The following CCDC178 variants were observed in gnomAD, a reference collection of about 807,000 sequenced individuals.
CCDC178 encodes the protein coiled-coil domain containing 178, also known as coiled-coil domain-containing protein 178.
CCDC178 carries 126 observed loss-of-function variants against 117.4 expected under a neutral mutation model. The ratio of observed to expected loss-of-function variants is 1.07; its 90% CI spans 0.93 to 1.24. The LOEUF (loss-of-function observed/expected upper bound fraction) is 1.24. Ranked by LOEUF, CCDC178 falls within the 50% of genes most tolerant of loss-of-function variation. CCDC178 has a pLI of 0.00. For missense variants in CCDC178, 1,030 were observed against 986.9 expected (o/e 1.04, Z -0.59); for synonymous variants, 283 against 313.4 (o/e 0.90, Z 1.02).
At chr18:32,983,872 T>G (rs1446951981) in intron 21 of CCDC178, among the ~76,000 whole-genome samples, 2 of 152,052 alleles carry the variant, frequency 1.3e-5, no homozygotes, top group East Asian at 3.9e-4. Context: ...CAGTTCTGTT[T>G]ATTGTAATAA....
rs748218897 is a variant in CCDC178 at position 33,215,584 on chromosome 18, TTTC to T, written c.2041_2043del (p.Glu681del). 8.3e-5 allele frequency: 123 copies of T among 1,482,648 alleles called. No homozygotes were observed. Among genetic ancestry groups the T allele is most frequent in the Middle Eastern group, 2.0e-4 (1 of 4,952 alleles). 91.8% of individuals were successfully genotyped at this position (1,482,648 alleles called of 1,614,324 possible). On this transcript the variant is annotated inframe_deletion, in exon 19 of 23. Transcript: ENST00000383096. ...TCAAGTGTCTGATCAAAACTTTTCT[TTTC>T]TTCTTCTTTTGCTTTTAATTCCTCA... is the stretch of plus-strand genomic sequence containing the variant.
chr18:33,259,055 A>C (rs2059711973), intron 14 of CCDC178, among the ~76,000 whole-genome samples: 1 of 152,070 alleles, frequency 6.6e-6, no homozygotes, highest in Admixed American at 6.6e-5. Context: ...CATAGGCCCT[A>C]GGTGCAAGCA....
At chr18:33,057,485 A>G (rs1297539652) in intron 21 of CCDC178, among the ~76,000 whole-genome samples, 2 of 152,066 alleles carry the variant, frequency 1.3e-5, no homozygotes, top group African/African-American at 4.8e-5. Context: ...ATTAATTTAG[A>G]GAGACGTAAC....
intron 21 of CCDC178, among the ~76,000 whole-genome samples, chr18:33,068,456 A>G (rs940803447): frequency 5.9e-5 from 9 of 152,184 alleles, no homozygotes; most frequent in African/African-American, 2.2e-4. Flanking sequence ...CAACACATCA[A>G]AAAGATAATA....
intron 8 of CCDC178, among the ~76,000 whole-genome samples, chr18:33,346,754 CCTATT>C (rs763676581): frequency 1.2e-4 from 18 of 151,984 alleles, no homozygotes; most frequent in Non-Finnish European, 2.1e-4. Flanking sequence ...TGTGTGTCCT[CCTATT>C]CTATAAGAAA....
At chr18:33,302,808 T>C (rs1043253109) in intron 11 of CCDC178, among the ~76,000 whole-genome samples, 4 of 152,050 alleles carry the variant, frequency 2.6e-5, no homozygotes, top group South Asian at 2.1e-4. Context: ...TAAAAAACAG[T>C]TGATCTCAAA....
At chr18:33,330,702 G>A (rs1599171831) in intron 10 of CCDC178, among the ~76,000 whole-genome samples, 1 of 152,114 alleles carries the variant, frequency 6.6e-6, no homozygotes, top group African/African-American at 2.4e-5. Flanking sequence ...AATCTGCAGG[G>A]TAGGTTGGCA....
intron 20 of CCDC178, among the ~76,000 whole-genome samples, chr18:33,149,139 T>C (rs1036658993): frequency 2.6e-5 from 4 of 152,154 alleles, no homozygotes; most frequent in South Asian, 4.1e-4. Context: ...TCCCCACACA[T>C]AGGAAATCTT....
At chr18:33,371,281 G>GTGTGTATATA (rs2063295219) in intron 5 of CCDC178, among the ~76,000 whole-genome samples, 1 of 151,890 alleles carries the variant, frequency 6.6e-6, no homozygotes, top group Non-Finnish European at 1.5e-5. Context: ...ATATGTGTGT[G>GTGTGTATATA]TGTGTATATA....
chr18:33,045,313 T>A (rs563759313), intron 21 of CCDC178, among the ~76,000 whole-genome samples: 12 of 152,298 alleles, frequency 7.9e-5, no homozygotes, highest in African/African-American at 2.6e-4. Flanking sequence ...ACCTACCGTG[T>A]TAATGTCATA....
rs534801596 is a variant in CCDC178 at position 33,233,376 on chromosome 18, T to C, written c.1594-6521A>G. On this transcript the variant is annotated intron_variant, in intron 15 of 22. Coordinates refer to ENST00000383096, the MANE Select transcript of CCDC178 (RefSeq NM_001105528.4). Reference sequence around the variant, plus strand: ...AATATCAGTTTTTATATATGTAAAATTGGGATAACACTTTTTTTCATAAAA... The same window carrying C: ...AATATCAGTTTTTATATATGTAAAACTGGGATAACACTTTTTTTCATAAAA... Among the ~76,000 whole-genome samples the C allele has an allele frequency of 2.0e-5, 3 of 152,170 alleles. No individual in the cohort carries two copies. In the South Asian group the frequency reaches 6.2e-4, roughly 32 times the overall value.
At chr18:33,023,306 T>C (rs1441289283) in intron 21 of CCDC178, among the ~76,000 whole-genome samples, 1 of 152,130 alleles carries the variant, frequency 6.6e-6, no homozygotes, top group East Asian at 1.9e-4. Flanking sequence ...CCATGGAACA[T>C]ATACTATGAC....
intron 21 of CCDC178, among the ~76,000 whole-genome samples, chr18:33,029,592 C>A (rs1364016389): frequency 1.3e-5 from 2 of 151,846 alleles, no homozygotes; most frequent in East Asian, 3.9e-4. Context: ...AGACAGAAAG[C>A]TATTGATTTG....
chr18:33,290,033 G>A (rs1484913129), intron 12 of CCDC178, among the ~76,000 whole-genome samples: 2 of 151,838 alleles, frequency 1.3e-5, no homozygotes, highest in Non-Finnish European at 2.9e-5. Flanking sequence ...GCAAAATTTA[G>A]GAAAAATGAA....
At chr18:33,350,040 G>T (rs2062953015) in intron 7 of CCDC178, among the ~76,000 whole-genome samples, 1 of 151,396 alleles carries the variant, frequency 6.6e-6, no homozygotes, top group Non-Finnish European at 1.5e-5. Flanking sequence ...TCTTCCTTTA[G>T]TTTTCATATT....
chr18:33,348,796 T>C (rs1385506956), intron 8 of CCDC178, 94 bp downstream of exon 8: 6 of 789,306 alleles, frequency 7.6e-6, no homozygotes, highest in East Asian at 2.7e-5. Context: ...ATAAAATTCT[T>C]AAACATGATT....
intron 21 of CCDC178, among the ~76,000 whole-genome samples, chr18:32,986,309 A>G (rs1598756882): frequency 6.6e-6 from 1 of 152,114 alleles, no homozygotes; most frequent in Admixed American, 6.5e-5. Context: ...TGATCTCTGC[A>G]TGTATACTCT....
chr18:33,330,170 A>G (rs1339386519), intron 10 of CCDC178, among the ~76,000 whole-genome samples: 1 of 151,770 alleles, frequency 6.6e-6, no homozygotes, highest in Non-Finnish European at 1.5e-5. Context: ...TCTGCTTTTC[A>G]TTTTTGAGTA....
intron 11 of CCDC178, among the ~76,000 whole-genome samples, chr18:33,300,792 G>T (rs916782356): frequency 1.1e-4 from 17 of 152,140 alleles, no homozygotes; most frequent in Admixed American, 5.2e-4. Flanking sequence ...ATCATATATG[G>T]GAGCAAATGA....
Sources: gnomAD v4.1 joint callset for allele counts (sites outside exome capture counted in the v4.1 genomes callset) on GRCh38, gnomAD v4.1.1 for gene constraint, MANE v1.5 for transcripts, NCBI Gene and HGNC (gene_info 2026-07-23, HGNC 2026-07-21) for gene names.